Variants in KIRREL1 observed in about 807,000 individuals in gnomAD.
KIRREL1 encodes the protein kin of IRRE-like protein 1.
In KIRREL1, 25 loss-of-function variants were observed where a neutral mutation model predicts 83.3. That is an observed-to-expected ratio of 0.30 (90% confidence interval 0.22 to 0.42). The LOEUF (loss-of-function observed/expected upper bound fraction) is 0.42, where lower values mean the gene tolerates loss of function less well. KIRREL1 is among the 10% of genes least tolerant of loss of function. The pLI is 1.00. For synonymous variants in KIRREL1, 388 were observed against 410.4 expected, an observed-to-expected ratio of 0.95 and a Z score of 0.66; for missense variants, 812 against 1,032.3, an observed-to-expected ratio of 0.79 and a Z score of 2.92.
chr1:158,008,515 C>T (rs1022325856), intron 1 of KIRREL1, among the ~76,000 whole-genome samples: 2 of 152,064 alleles, frequency 1.3e-5, no homozygotes, highest in Non-Finnish European at 1.5e-5. Flanking sequence ...GCTGGGAAGT[C>T]GAGAATCGCT....
chr1:158,029,337 C>CTGTGTGTGGGTGTGTG (rs1553238077), intron 1 of KIRREL1, among the ~76,000 whole-genome samples: 1 of 69,262 alleles, frequency 1.4e-5, no homozygotes, highest in East Asian at 3.7e-4. Flanking sequence ...TAACAAAAAC[C>CTGTGTGTGGGTGTGTG]TGTGTGTGTG....
At chr1:158,051,969 C>T (rs1379447891) in intron 1 of KIRREL1, among the ~76,000 whole-genome samples, 1 of 152,154 alleles carries the variant, frequency 6.6e-6, no homozygotes, top group East Asian at 1.9e-4. Flanking sequence ...TCTCTTTATC[C>T]ACTGTCTTAG....
At chr1:158,003,904 G>T (rs1265733102) in intron 1 of KIRREL1, among the ~76,000 whole-genome samples, 2 of 152,196 alleles carry the variant, frequency 1.3e-5, no homozygotes, top group Non-Finnish European at 2.9e-5. Flanking sequence ...CGAGAGGGGA[G>T]CCTGTAAAGT....
At chr1:158,056,117 C>T (rs1033745151) in intron 1 of KIRREL1, among the ~76,000 whole-genome samples, 11 of 151,660 alleles carry the variant, frequency 7.3e-5, no homozygotes, top group South Asian at 2.1e-4. Context: ...ACACTCCTCG[C>T]CCCCCCTCAT....
chr1:158,033,264 G>A (rs1660379186), intron 1 of KIRREL1, among the ~76,000 whole-genome samples: 1 of 152,018 alleles, frequency 6.6e-6, no homozygotes, highest in African/African-American at 2.4e-5. Flanking sequence ...TAAAGACGGG[G>A]TTTCACCATG....
intron 1 of KIRREL1, among the ~76,000 whole-genome samples, chr1:158,013,871 C>T (rs1659753323): frequency 6.6e-6 from 1 of 152,128 alleles, no homozygotes; most frequent in East Asian, 1.9e-4. Flanking sequence ...GCTTACTGTC[C>T]ATTAATTGCT....
At chr1:158,025,871 G>A (rs1038147111) in intron 1 of KIRREL1, among the ~76,000 whole-genome samples, 1 of 151,916 alleles carries the variant, frequency 6.6e-6, no homozygotes, top group African/African-American at 2.4e-5. Context: ...GGCAGGAGGA[G>A]GTCAGGATGT....
intron 1 of KIRREL1, among the ~76,000 whole-genome samples, chr1:157,996,435 C>G (rs774084117): frequency 6.6e-6 from 1 of 151,656 alleles, no homozygotes; most frequent in Non-Finnish European, 1.5e-5. Context: ...CAGGCCGGCT[C>G]GGGGAGGGAG....
At chr1:158,008,067 T>C (rs555802727) in intron 1 of KIRREL1, among the ~76,000 whole-genome samples, 10 of 152,300 alleles carry the variant, frequency 6.6e-5, no homozygotes, top group Admixed American at 2.0e-4. Flanking sequence ...ATCTCTTAAT[T>C]AATCATTCTG....
At chr1:158,027,756 C>A (rs566849587) in intron 1 of KIRREL1, among the ~76,000 whole-genome samples, 4 of 152,166 alleles carry the variant, frequency 2.6e-5, no homozygotes, top group South Asian at 2.1e-4. Flanking sequence ...AAGCACTTGG[C>A]GCATAGTAGG....
intron 1 of KIRREL1, among the ~76,000 whole-genome samples, chr1:158,068,906 C>T (rs143029701): frequency 1.4e-5 from 2 of 143,284 alleles, no homozygotes; most frequent in East Asian, 1.9e-4. Flanking sequence ...TGAAAGCTGT[C>T]GGTGCGAATC....
intron 1 of KIRREL1, among the ~76,000 whole-genome samples, chr1:158,075,573 C>T (rs767995817): frequency 2.6e-5 from 4 of 152,196 alleles, no homozygotes; most frequent in Admixed American, 6.5e-5. Context: ...CTGATGTATT[C>T]GTGGAGGAAT....
At chr1:158,040,539 A>G (rs1473091598) in intron 1 of KIRREL1, among the ~76,000 whole-genome samples, 1 of 152,258 alleles carries the variant, frequency 6.6e-6, no homozygotes. Context: ...CTCTATAAAT[A>G]TGGATTCTTC....
rs140237848 is a variant in KIRREL1, at chr1:158,078,097, G to A, written c.309G>A (p.Thr103=). The change falls in exon 3 of 15, where the codon ACG becomes ACA. Residue 103 remains threonine, a synonymous_variant. Coordinates refer to ENST00000359209, the MANE Select transcript of KIRREL1 (RefSeq NM_018240.7). Reference sequence around the variant, plus strand: ...ACGCCTCTTACGAGTGCCAGGCCACGGAGGCCGCCCTGCGCTCTCGGCGGG... The same window carrying A: ...ACGCCTCTTACGAGTGCCAGGCCACAGAGGCCGCCCTGCGCTCTCGGCGGG... ...SDDASYECQA[T]EAALRSRRAK... is the part of the protein sequence containing the mutation. The A allele has an allele frequency of 1.6e-5, 26 of 1,613,982 alleles. No homozygotes were observed. In the African/African-American group the frequency reaches 2.3e-4, roughly 14 times the overall value.
At chr1:158,091,622 T>C (rs1218573480) in intron 11 of KIRREL1, 66 bp downstream of exon 11, 6 of 1,489,186 alleles carry the variant, frequency 4.0e-6, no homozygotes, top group African/African-American at 1.4e-5. Context: ...CCTTCTTTTC[T>C]CCAGGGGCAG....
In KIRREL1 at chr1:158,091,223, G is replaced by A. The variant is rs763898021; in HGVS notation, c.1273-135G>A. On this transcript the variant is annotated intron_variant, in intron 10 of 14. Transcript: ENST00000359209. ...GTGTGACTTAGGTTTGTTACAGGGAGGTGTTAGGCTGGGCTTGTGGGGCAC... is the reference window on the plus strand; with the variant it reads ...GTGTGACTTAGGTTTGTTACAGGGAAGTGTTAGGCTGGGCTTGTGGGGCAC... 5 of 702,760 alleles carry A rather than the reference G, an allele frequency of 7.1e-6. No individual in the cohort carries two copies. In the South Asian group the frequency reaches 7.5e-5, roughly 11 times the overall value. The allele number at this position is 702,760 out of a possible 1,614,324, so 43.5% of individuals were successfully genotyped here. A position where few individuals can be genotyped will look rare whatever the true frequency, so the allele number is the denominator to read the frequency against.
intron 1 of KIRREL1, among the ~76,000 whole-genome samples, chr1:158,047,020 G>A (rs529567991): frequency 6.6e-6 from 1 of 152,184 alleles, no homozygotes; most frequent in Non-Finnish European, 1.5e-5. Context: ...GTTTGGTCAT[G>A]AGAAGAGGAG....
intron 1 of KIRREL1, among the ~76,000 whole-genome samples, chr1:158,043,985 G>A (rs545227472): frequency 1.3e-5 from 2 of 152,350 alleles, no homozygotes; most frequent in Admixed American, 1.3e-4. Flanking sequence ...GTATCTTAAT[G>A]GTAGATGTTG....
intron 1 of KIRREL1, among the ~76,000 whole-genome samples, chr1:158,049,921 C>A (rs1209173182): frequency 3.3e-5 from 5 of 152,082 alleles, no homozygotes. Flanking sequence ...CATGGACCCT[C>A]AGTGAATTGG....
Sources: gnomAD v4.1 joint callset for allele counts (sites outside exome capture counted in the v4.1 genomes callset) on GRCh38, gnomAD v4.1.1 for gene constraint, MANE v1.5 for transcripts, NCBI Gene and HGNC (gene_info 2026-07-23, HGNC 2026-07-21) for gene names.